The following SLC4A4 variants were observed in gnomAD, a reference collection of about 807,000 sequenced individuals.
SLC4A4 encodes the protein electrogenic sodium bicarbonate cotransporter 1.
In SLC4A4, 27 loss-of-function variants were observed where a neutral mutation model predicts 111.5. The observed-to-expected ratio is 0.24, with a 90% confidence interval of 0.18 to 0.33. The LOEUF (loss-of-function observed/expected upper bound fraction) is 0.33, where lower values mean the gene tolerates loss of function less well. Ranked by LOEUF, SLC4A4 falls within the 10% of genes least tolerant of loss-of-function variation. SLC4A4 has a pLI of 1.00. For missense variants in SLC4A4, 909 were observed against 1,315.5 expected (o/e 0.69, Z 4.78); for synonymous variants, 443 against 463.4 (o/e 0.96, Z 0.57).
chr4:71,464,144 A>C (rs561516639), intron 12 of SLC4A4, among the ~76,000 whole-genome samples: 2 of 152,318 alleles, frequency 1.3e-5, no homozygotes, highest in South Asian at 4.1e-4. Flanking sequence ...ATAAAGACAT[A>C]GAAAGCCCAC....
chr4:71,243,524 ATTTTG>A (rs1720411254), intron 2 of SLC4A4, among the ~76,000 whole-genome samples: 1 of 151,946 alleles, frequency 6.6e-6, no homozygotes, highest in African/African-American at 2.4e-5. Context: ...ATTTTATTTT[ATTTTG>A]TTTTATTTTA....
At chr4:71,309,784 G>A (rs1725990544) in intron 3 of SLC4A4, among the ~76,000 whole-genome samples, 1 of 152,080 alleles carries the variant, frequency 6.6e-6, no homozygotes, top group Non-Finnish European at 1.5e-5. Context: ...TCCTTCAAAT[G>A]ATCGCAACTC....
chr4:71,300,969 G>A, intron 3 of SLC4A4: 3 of 506,766 alleles, frequency 5.9e-6, no homozygotes. Flanking sequence ...GGCTGATCAT[G>A]TGAAGGGAGC....
At chr4:71,270,994 C>G (rs1308147368) in intron 3 of SLC4A4, among the ~76,000 whole-genome samples, 1 of 152,148 alleles carries the variant, frequency 6.6e-6, no homozygotes, top group African/African-American at 2.4e-5. Flanking sequence ...CCAGGGATCC[C>G]TGCTATAGCT....
At chr4:71,337,797 AT>A (rs57953121) in intron 3 of SLC4A4, among the ~76,000 whole-genome samples, 54,433 of 148,810 alleles carry the variant, frequency 0.37, 10,765 homozygotes, top group Admixed American at 0.47. Flanking sequence ...TGGGATTATC[AT>A]TTTTTTTTTT....
intron 2 of SLC4A4, among the ~76,000 whole-genome samples, chr4:71,099,818 TA>T (rs947945997): frequency 5.9e-5 from 9 of 152,156 alleles, no homozygotes; most frequent in African/African-American, 1.7e-4. Context: ...GAAGCTACTA[TA>T]AACACCTCTA....
intron 5 of SLC4A4, among the ~76,000 whole-genome samples, chr4:71,351,169 T>C (rs1247734025): frequency 6.6e-6 from 1 of 152,154 alleles, no homozygotes; most frequent in Non-Finnish European, 1.5e-5. Flanking sequence ...TTCAGTGACT[T>C]TGATGGTGGT....
intron 6 of SLC4A4, among the ~76,000 whole-genome samples, chr4:71,371,245 CT>C (rs71213506): frequency 0.03 from 3,578 of 119,978 alleles, 94 homozygotes; most frequent in South Asian, 0.13. Flanking sequence ...CCAGGAATGC[CT>C]TTTTTTTTTT....
Position 71,390,617 on chromosome 4 carries a change from A to C in SLC4A4, c.731-6960A>C, listed in dbSNP as rs148205138. On this transcript the variant is annotated intron_variant, in intron 6 of 25. Coordinates refer to ENST00000264485, the MANE Select transcript of SLC4A4 (RefSeq NM_001098484.3). ...TACCATCTTCATTTTTGGAACTGCT[A>C]AGTTGGAAACCAGGAACATAACTGC... 2.0e-5 allele frequency among the ~76,000 whole-genome samples: 3 copies of C among 152,276 alleles called. No homozygotes were observed. The East Asian group carries it at 5.8e-4, about 29-fold the overall frequency.
chr4:71,305,045 A>G (rs972853851), intron 3 of SLC4A4, among the ~76,000 whole-genome samples: 1 of 152,240 alleles, frequency 6.6e-6, no homozygotes, highest in Non-Finnish European at 1.5e-5. Context: ...TATTTGTTGA[A>G]TACCTACTAT....
At chr4:71,163,888 C>T (rs1454995619) in intron 2 of SLC4A4, among the ~76,000 whole-genome samples, 2 of 152,212 alleles carry the variant, frequency 1.3e-5, no homozygotes, top group African/African-American at 4.8e-5. Context: ...ATTTCTTGTC[C>T]TATTTCTTAT....
chr4:71,114,233 G>A (rs556429797), intron 2 of SLC4A4, among the ~76,000 whole-genome samples: 9 of 152,266 alleles, frequency 5.9e-5, no homozygotes, highest in African/African-American at 1.2e-4. Flanking sequence ...GTGACAGAGC[G>A]AGACTCGCTC....
chr4:71,142,700 A>C (rs1357865326), intron 2 of SLC4A4, among the ~76,000 whole-genome samples: 1 of 151,532 alleles, frequency 6.6e-6, no homozygotes, highest in Non-Finnish European at 1.5e-5. Context: ...TAGCAGTTGA[A>C]AATATAGTAG....
At chr4:71,388,338 A>G (rs1329900883) in intron 6 of SLC4A4, among the ~76,000 whole-genome samples, 1 of 152,156 alleles carries the variant, frequency 6.6e-6, no homozygotes, top group Non-Finnish European at 1.5e-5. Context: ...ACAATCACAA[A>G]TACTATAATC....
At chr4:71,259,248 C>A (rs139126888) in intron 3 of SLC4A4, among the ~76,000 whole-genome samples, 1 of 152,230 alleles carries the variant, frequency 6.6e-6, no homozygotes, top group African/African-American at 2.4e-5. Context: ...TATAACCTAA[C>A]GCTTTCTATT....
intron 3 of SLC4A4, among the ~76,000 whole-genome samples, chr4:71,310,064 A>G (rs943761863): frequency 6.6e-6 from 1 of 151,816 alleles, no homozygotes; most frequent in Non-Finnish European, 1.5e-5. Context: ...CAAATCAATC[A>G]AGCAGAAGAA....
chr4:71,066,611 T>G (rs1412857321), intron 1 of SLC4A4, among the ~76,000 whole-genome samples: 2 of 152,256 alleles, frequency 1.3e-5, no homozygotes, highest in Non-Finnish European at 2.9e-5. Context: ...ATTTTCTTTG[T>G]AATTTTTCCT....
rs1465163320 is a variant in SLC4A4, at chr4:71,424,084, C to G, written c.808-16532C>G. ...ACAAAATGGGGGAAAATTTTCGCAA[C>G]CTACTCTTCTGACAAAGGGCTAATA... On this transcript the variant is annotated intron_variant, in intron 7 of 25. Transcript: ENST00000264485. Among the ~76,000 whole-genome samples, 3 of 152,042 alleles carry G rather than the reference C, an allele frequency of 2.0e-5. No homozygotes were observed. In the East Asian group the frequency reaches 5.8e-4, roughly 29 times the overall value.
At chr4:71,486,369 A>G (rs1177684987) in intron 14 of SLC4A4, among the ~76,000 whole-genome samples, 5 of 151,516 alleles carry the variant, frequency 3.3e-5, no homozygotes, top group African/African-American at 7.3e-5. Context: ...TCTTCAACCT[A>G]TAAATGACGC....
Sources: allele counts gnomAD v4.1 joint callset (sites outside exome capture counted in the v4.1 genomes callset), GRCh38; gene constraint gnomAD v4.1.1; transcripts MANE v1.5; gene names NCBI Gene and HGNC (gene_info 2026-07-23, HGNC 2026-07-21).